KIF6: variants seen among roughly 807,000 people sequenced by gnomAD.
The protein encoded by KIF6 is kinesin family member 6.
KIF6 carries 106 observed loss-of-function variants against 112.7 expected under a neutral mutation model. The observed-to-expected ratio is 0.94, with a 90% CI of 0.80 to 1.11. KIF6 has a LOEUF of 1.11. KIF6 is among the 50% of genes least tolerant of loss of function. The probability of loss-of-function intolerance (pLI) is 0.00; values close to 1 mark genes in which losing one functional copy is unlikely to be tolerated. For synonymous variants in KIF6, 339 were observed against 339.9 expected (o/e 1.00, Z 0.03); for missense variants, 929 against 964.0 (o/e 0.96, Z 0.48).
chr6:39,587,946 C>T (rs1429140419), intron 7 of KIF6, among the ~76,000 whole-genome samples: 2 of 152,246 alleles, frequency 1.3e-5, no homozygotes, highest in Non-Finnish European at 2.9e-5. Flanking sequence ...TGATTGCCAT[C>T]TTACTAGACT....
rs563019412 is a variant in KIF6 at position 39,476,793 on chromosome 6, T to A, written c.1646-45632A>T. Among the ~76,000 whole-genome samples, 3 of 152,360 alleles carry A rather than the reference T, an allele frequency of 2.0e-5. No homozygotes were observed. In the East Asian group the frequency reaches 5.8e-4, roughly 29 times the overall value. On this transcript the variant is annotated intron_variant, in intron 13 of 22. Transcript: ENST00000287152. Reference sequence around the variant, plus strand: ...CCACTTTTCAGTCTAACATAAATAATTTATTCACCCAGAATACTGTTTGTA... The same window carrying A: ...CCACTTTTCAGTCTAACATAAATAAATTATTCACCCAGAATACTGTTTGTA...
chr6:39,661,647 G>A (rs1246039523), intron 3 of KIF6, among the ~76,000 whole-genome samples: 1 of 152,158 alleles, frequency 6.6e-6, no homozygotes, highest in African/African-American at 2.4e-5. Flanking sequence ...CAGTAGCGGG[G>A]AAAGAAGTAG....
chr6:39,531,489 T>A (rs544495299), intron 13 of KIF6, among the ~76,000 whole-genome samples: 20 of 152,142 alleles, frequency 1.3e-4, no homozygotes, highest in African/African-American at 4.6e-4. Flanking sequence ...CATTTCTGCA[T>A]GGGTACAATA....
intron 20 of KIF6, among the ~76,000 whole-genome samples, chr6:39,346,100 TCCCCCC>T (rs1562113049): frequency 1.1e-3 from 9 of 8,158 alleles, no homozygotes; most frequent in African/African-American, 4.8e-3. Flanking sequence ...CCCCTCTCCC[TCCCCCC>T]CTCCCTCTCC....
chr6:39,646,767 A>T (rs1249690604), intron 3 of KIF6, among the ~76,000 whole-genome samples: 1 of 152,224 alleles, frequency 6.6e-6, no homozygotes, highest in African/African-American at 2.4e-5. Flanking sequence ...ATAAATCAAC[A>T]CAACTAATTT....
chr6:39,578,053 T>C lies in KIF6; in HGVS notation c.1181+3A>G. The stretch of plus-strand genomic sequence containing the variant: ...AAAAAGAAAAAAAAGTCTGCAGACT[T>C]ACTGAAGGAGCTCTGCTTCTGTGAG... On this transcript the variant is annotated splice_donor_region_variant and intron_variant, in intron 10 of 22. Transcript: ENST00000287152. The C allele has an allele frequency of 6.2e-7, 1 of 1,603,714 alleles. No individual in the cohort carries two copies. Among genetic ancestry groups the C allele is most frequent in the Non-Finnish European group, 8.5e-7 (1 of 1,171,508 alleles).
At chr6:39,530,348 T>C (rs1464837703) in intron 13 of KIF6, among the ~76,000 whole-genome samples, 1 of 152,230 alleles carries the variant, frequency 6.6e-6, no homozygotes, top group African/African-American at 2.4e-5. Flanking sequence ...GAACACTGAC[T>C]GGTTCCAGGT....
rs115869591 is a variant in KIF6, at chr6:39,630,947, A to G, written c.509+3902T>C. ...TATGATAATATGATTTTTATTCTTT[A>G]GACTGTTCATGCCATGGACTACATT... On this transcript the variant is annotated intron_variant, in intron 5 of 22. Coordinates refer to ENST00000287152, the MANE Select transcript of KIF6 (RefSeq NM_145027.6). Among the ~76,000 whole-genome samples, 951 of 152,096 alleles carry G rather than the reference A, an allele frequency of 6.3e-3. 8 individuals are homozygous for G. Among genetic ancestry groups the G allele is most frequent in the Non-Finnish European group, 0.011 (720 of 67,886 alleles).
At chr6:39,550,669 G>A (rs538056831) in intron 10 of KIF6, among the ~76,000 whole-genome samples, 1 of 152,274 alleles carries the variant, frequency 6.6e-6, no homozygotes, top group South Asian at 2.1e-4. Flanking sequence ...TTGGGGAGAC[G>A]ATTTGACAGC....
intron 15 of KIF6, among the ~76,000 whole-genome samples, chr6:39,391,007 T>C (rs1767838643): frequency 6.6e-6 from 1 of 152,192 alleles, no homozygotes; most frequent in African/African-American, 2.4e-5. Context: ...AAATCAGACA[T>C]ATTCATGTCC....
chr6:39,559,340 G>A (rs1779892499), intron 10 of KIF6, among the ~76,000 whole-genome samples: 1 of 152,092 alleles, frequency 6.6e-6, no homozygotes, highest in Non-Finnish European at 1.5e-5. Flanking sequence ...TCTTCAGGTG[G>A]TGTGAATTAA....
chr6:39,482,460 T>C (rs1424546294), intron 13 of KIF6, among the ~76,000 whole-genome samples: 1 of 152,206 alleles, frequency 6.6e-6, no homozygotes, highest in Non-Finnish European at 1.5e-5. Flanking sequence ...AGAATGAGGC[T>C]GAACCTGAAG....
Position 39,345,760 on chromosome 6 carries a change from G to A in KIF6, c.2261C>T (p.Ser754Leu), listed in dbSNP as rs1050671338. The change falls in exon 21 of 23, where the codon TCG becomes TTG. Residue 754 changes from serine to leucine, a missense_variant. Transcript: ENST00000287152. ...CTGGCTGTGTGGACTGGGGCAAGGC[G>A]AGGGCAGGATTTTCCTGGCATTCAC... ...CDVNARKILPSPCPSPHSQKQ... is the reference protein window; with the variant it reads ...CDVNARKILPLPCPSPHSQKQ... The A allele has an allele frequency of 8.7e-6, 14 of 1,613,868 alleles. No homozygotes were observed. In the African/African-American group the frequency reaches 9.3e-5, roughly 11 times the overall value.
intron 13 of KIF6, among the ~76,000 whole-genome samples, chr6:39,533,304 A>G (rs887931211): frequency 6.6e-6 from 1 of 152,212 alleles, no homozygotes; most frequent in African/African-American, 2.4e-5. Context: ...GGTCACTCCC[A>G]CCCTAATACT....
chr6:39,651,445 G>A (rs1238205742), intron 3 of KIF6, among the ~76,000 whole-genome samples: 1 of 152,142 alleles, frequency 6.6e-6, no homozygotes, highest in Non-Finnish European at 1.5e-5. Context: ...CAGTGTGGTG[G>A]GTGCTGAGAG....
At chr6:39,364,300 T>C (rs948364263) in intron 16 of KIF6, among the ~76,000 whole-genome samples, 3 of 152,058 alleles carry the variant, frequency 2.0e-5, no homozygotes. Context: ...TTTGTATTTT[T>C]AGTAGAGATG....
chr6:39,651,690 A>G (rs1192121113), intron 3 of KIF6, among the ~76,000 whole-genome samples: 5 of 152,224 alleles, frequency 3.3e-5, no homozygotes, highest in Non-Finnish European at 7.3e-5. Context: ...CATTTTGCAC[A>G]TTTTTGGGAA....
chr6:39,496,475 T>C (rs753546288), intron 13 of KIF6, among the ~76,000 whole-genome samples: 2 of 152,074 alleles, frequency 1.3e-5, no homozygotes, highest in Non-Finnish European at 1.5e-5. Flanking sequence ...ATAAGTAACT[T>C]CCTTTTTTCC....
At chr6:39,433,239 C>T (rs112229491) in intron 13 of KIF6, among the ~76,000 whole-genome samples, 3,420 of 152,310 alleles carry the variant, frequency 0.022, 70 homozygotes, top group Non-Finnish European at 0.029. Flanking sequence ...TATGAAAACA[C>T]GAAACAACAT....
Sources: gnomAD v4.1 joint callset for allele counts (sites outside exome capture counted in the v4.1 genomes callset) on GRCh38, gnomAD v4.1.1 for gene constraint, MANE v1.5 for transcripts, NCBI Gene and HGNC (gene_info 2026-07-23, HGNC 2026-07-21) for gene names.